The following AGTPBP1 variants were observed in gnomAD, a reference collection of about 807,000 sequenced individuals.
The protein encoded by AGTPBP1 is cytosolic carboxypeptidase 1.
Under a neutral mutation model 143.9 loss-of-function variants are expected in AGTPBP1, and 70 were observed. The ratio of observed to expected loss-of-function variants is 0.49; its 90% CI spans 0.40 to 0.59. The LOEUF (loss-of-function observed/expected upper bound fraction) is 0.59. AGTPBP1 is among the 20% of genes least tolerant of loss of function. The probability of loss-of-function intolerance (pLI) is 0.00; values close to 1 mark genes in which losing one functional copy is unlikely to be tolerated. For missense variants in AGTPBP1, 1,229 were observed against 1,464.5 expected, an observed-to-expected ratio of 0.84 and a Z score of 2.62; for synonymous variants, 463 against 500.2, an observed-to-expected ratio of 0.93 and a Z score of 0.99.
At chr9:85,582,855 T>C (rs1392790884) in intron 23 of AGTPBP1, among the ~76,000 whole-genome samples, 1 of 152,138 alleles carries the variant, frequency 6.6e-6, no homozygotes, top group Non-Finnish European at 1.5e-5. Context: ...TTCCATGGTA[T>C]GGTAGTCACC....
the AGTPBP1 span, among the ~76,000 whole-genome samples, chr9:85,777,950 C>T: frequency 6.6e-6 from 1 of 152,236 alleles, no homozygotes; most frequent in East Asian, 1.9e-4. Context: ...CAGCTGTCCA[C>T]TTTCAGGTGG....
At chr9:85,561,475 A>C (rs1295687003) in intron 25 of AGTPBP1, among the ~76,000 whole-genome samples, 1 of 152,156 alleles carries the variant, frequency 6.6e-6, no homozygotes, top group African/African-American at 2.4e-5. Context: ...AGGACAGAAG[A>C]CAACAGAATC....
chr9:85,766,128 C>CAAA, the AGTPBP1 span, among the ~76,000 whole-genome samples: 37 of 131,100 alleles, frequency 2.8e-4, 1 homozygote, highest in South Asian at 1.6e-3. Context: ...TAGAAGAAGC[C>CAAA]AAAAAAAAAA....
chr9:85,701,354 C>T (rs185251537), intron 2 of AGTPBP1, among the ~76,000 whole-genome samples: 12 of 151,632 alleles, frequency 7.9e-5, no homozygotes, highest in Non-Finnish European at 1.3e-4. Context: ...CTCAGCCTCC[C>T]GAGTAGCTAG....
intron 8 of AGTPBP1, 81 bp downstream of exon 8, chr9:85,669,404 C>A: frequency 1.5e-6 from 1 of 668,150 alleles, no homozygotes; most frequent in Non-Finnish European, 2.5e-6. Flanking sequence ...TTAATTCAAC[C>A]TGCTCATTGT....
At chr9:85,610,665 A>G (rs1830261457) in intron 17 of AGTPBP1, among the ~76,000 whole-genome samples, 1 of 152,132 alleles carries the variant, frequency 6.6e-6, no homozygotes, top group African/African-American at 2.4e-5. Context: ...ATTACAGACA[A>G]TAAGCTACTC....
intron 25 of AGTPBP1, 98 bp from the exon 26 acceptor site, chr9:85,547,384 T>C (rs1825793390): frequency 1.9e-6 from 2 of 1,028,782 alleles, no homozygotes; most frequent in Admixed American, 3.5e-5. Flanking sequence ...GATTCCAATA[T>C]AATATAAGCT....
intron 4 of AGTPBP1, among the ~76,000 whole-genome samples, chr9:85,680,168 T>C (rs955622768): frequency 2.0e-5 from 3 of 152,256 alleles, no homozygotes; most frequent in Admixed American, 6.5e-5. Flanking sequence ...CAAACTATTT[T>C]AATTACTGAA....
At chr9:85,579,141 A>G in intron 23 of AGTPBP1, 45 bp from the exon 24 acceptor site, 1 of 1,532,896 alleles carries the variant, frequency 6.5e-7, no homozygotes, top group Non-Finnish European at 8.7e-7. Flanking sequence ...CCAAGTTTTT[A>G]ATTTTAAATG....
Position 85,547,216 on chromosome 9 carries a change from T to C in AGTPBP1, c.3574A>G (p.Asn1192Asp). 2 of 1,613,890 alleles carry C rather than the reference T, an allele frequency of 1.2e-6. No homozygotes were observed. Among genetic ancestry groups the C allele is most frequent in the Non-Finnish European group, 8.5e-7 (1 of 1,179,920 alleles). Reference sequence around the variant, plus strand: ...GCCAACTCAATATCTAACTCATCATTACTTTCTGCACTGTAATCAACTTCT... The same window carrying C: ...GCCAACTCAATATCTAACTCATCATCACTTTCTGCACTGTAATCAACTTCT... Reference protein sequence around the residue: ...LEEVDYSAESNDELDIELAEN... With the variant: ...LEEVDYSAESDDELDIELAEN... Residue 1192 changes from asparagine (N) to aspartate (D), a missense_variant, in exon 26 of 26, where the codon AAT becomes GAT. Asn to Asp is a conservative substitution (Grantham distance 23). Coordinates refer to ENST00000357081, the MANE Select transcript of AGTPBP1 (RefSeq NM_001330701.2).
the AGTPBP1 span, among the ~76,000 whole-genome samples, chr9:85,794,205 A>C: frequency 6.6e-6 from 1 of 152,198 alleles, no homozygotes; most frequent in Non-Finnish European, 1.5e-5. Context: ...ATGCATGCCC[A>C]AAAGAAGCAA....
intron 14 of AGTPBP1, among the ~76,000 whole-genome samples, chr9:85,627,030 G>T (rs981031457): frequency 3.3e-5 from 5 of 152,034 alleles, no homozygotes; most frequent in Non-Finnish European, 7.4e-5. Flanking sequence ...TTTTTAATAT[G>T]ACCAACAAGA....
intron 11 of AGTPBP1, among the ~76,000 whole-genome samples, chr9:85,646,908 C>T (rs1832844261): frequency 6.6e-6 from 1 of 151,882 alleles, no homozygotes; most frequent in South Asian, 2.1e-4. Context: ...ACATAAAATA[C>T]ACTAATACCA....
chr9:85,592,095 A>C (rs1431125117), intron 19 of AGTPBP1, among the ~76,000 whole-genome samples: 13 of 152,090 alleles, frequency 8.5e-5, no homozygotes, highest in Admixed American at 4.6e-4. Flanking sequence ...TCCTTCAAAA[A>C]CACTCAAATT....
chr9:85,656,721 T>C (rs1037439220), intron 10 of AGTPBP1, among the ~76,000 whole-genome samples: 1 of 152,154 alleles, frequency 6.6e-6, no homozygotes, highest in East Asian at 1.9e-4. Flanking sequence ...ATGCTTAAAA[T>C]GGCTGGCAGA....
At chr9:85,649,383 C>T (rs1275165019) in intron 11 of AGTPBP1, among the ~76,000 whole-genome samples, 1 of 152,124 alleles carries the variant, frequency 6.6e-6, no homozygotes, top group Non-Finnish European at 1.5e-5. Flanking sequence ...TGTTGATACA[C>T]ATATACACAC....
At chr9:85,708,787 C>T (rs111807686) in intron 2 of AGTPBP1, among the ~76,000 whole-genome samples, 19 of 152,270 alleles carry the variant, frequency 1.2e-4, no homozygotes, top group African/African-American at 4.1e-4. Context: ...CTGCCAGCCT[C>T]GGCCTCCCAA....
intron 17 of AGTPBP1, among the ~76,000 whole-genome samples, chr9:85,615,527 T>G (rs1830556738): frequency 6.6e-6 from 1 of 152,102 alleles, no homozygotes; most frequent in African/African-American, 2.4e-5. Flanking sequence ...GGAAAGTTTT[T>G]TTACAAATTA....
chr9:85,586,809 A>G, intron 22 of AGTPBP1, 22 bp downstream of exon 22: 1 of 1,602,656 alleles, frequency 6.2e-7, no homozygotes. Context: ...TATCCCAAGT[A>G]AAAACAAGTA....
Sources: gnomAD v4.1 joint callset for allele counts (sites outside exome capture counted in the v4.1 genomes callset) on GRCh38, gnomAD v4.1.1 for gene constraint, MANE v1.5 for transcripts, NCBI Gene and HGNC (gene_info 2026-07-23, HGNC 2026-07-21) for gene names.